The following NRG2 variants were observed in gnomAD, a reference collection of about 807,000 sequenced individuals.
The protein encoded by NRG2 is neuregulin 2, also known as pro-neuregulin-2, membrane-bound isoform.
A neutral mutation model predicts 73.9 loss-of-function variants in NRG2; 27 were observed. The observed-to-expected ratio is 0.37, with a 90% CI of 0.27 to 0.50. NRG2 has a LOEUF of 0.50. Ranked by LOEUF, NRG2 falls within the 20% of genes least tolerant of loss-of-function variation. The pLI, the probability that NRG2 is intolerant of heterozygous loss-of-function variation, is 0.96. For synonymous variants in NRG2, 532 were observed against 541.0 expected (o/e 0.98, Z 0.23); for missense variants, 1,126 against 1,210.1 (o/e 0.93, Z 1.03).
At position 139,852,130 on chromosome 5, in the gene NRG2, G is replaced by A. The variant is rs1002113994; in HGVS notation, c.1545-299C>T. Among the ~76,000 whole-genome samples, 2 of 152,270 alleles carry A rather than the reference G, an allele frequency of 1.3e-5. No individual in the cohort carries two copies. Among genetic ancestry groups the A allele is most frequent in the South Asian group, 2.1e-4 (1 of 4,822 alleles). On this transcript the variant is annotated intron_variant, in intron 8 of 9. Coordinates refer to ENST00000361474, the MANE Select transcript of NRG2 (RefSeq NM_004883.3). The surrounding 1 kb of genome is among the most constrained non-coding windows in gnomAD (Gnocchi z 4.4). ...CCCTGTCTGGGACCTTTCCACCACC[G>A]TGGTCCTTAGCTACCTATCTCAGAA...
Position 139,848,358 on chromosome 5 carries a change from G to GGGGCTGGCAGGC in NRG2, c.2100_2111dup (p.Pro701_Pro704dup), listed in dbSNP as rs1554098294. On this transcript the variant is annotated inframe_insertion, in exon 10 of 10. Transcript: ENST00000361474. ...ACTCGTCGTCCTCGGGGATGCGGAA[G>GGGGCTGGCAGGC]GGGCTGGCAGGCAGGCTGCCCAGGC... 3.3e-6 allele frequency: 4 copies of GGGGCTGGCAGGC among 1,226,018 alleles called. No individual in the cohort carries two copies. The East Asian group carries it at 1.3e-4, about 41-fold the overall frequency. The allele number at this position is 1,226,018 out of a possible 1,614,324, so 75.9% of individuals were successfully genotyped here. A position where few individuals can be genotyped will look rare whatever the true frequency, so the allele number is the denominator to read the frequency against.
intron 1 of NRG2, among the ~76,000 whole-genome samples, chr5:139,902,200 G>A (rs556035828): frequency 7.2e-5 from 11 of 152,354 alleles, no homozygotes; most frequent in Non-Finnish European, 1.6e-4. Context: ...GGGGAGAAGG[G>A]GAAATGGGGG....
At chr5:139,996,929 C>G (rs562753066) in intron 1 of NRG2, among the ~76,000 whole-genome samples, 5 of 152,216 alleles carry the variant, frequency 3.3e-5, no homozygotes, top group Non-Finnish European at 5.9e-5. Context: ...TTGCTTGAGT[C>G]CAGGAGTTCA....
chr5:140,016,093 C>T (rs1759753631), intron 1 of NRG2, among the ~76,000 whole-genome samples: 3 of 152,308 alleles, frequency 2.0e-5, no homozygotes, highest in South Asian at 2.1e-4. Flanking sequence ...CTACTTGCCA[C>T]GTCCTCAAGT....
At position 139,870,620 on chromosome 5, in the gene NRG2, C is replaced by T. The variant is rs1762777870; in HGVS notation, c.1112+1101G>A. Among the ~76,000 whole-genome samples the T allele has an allele frequency of 6.6e-6, 1 of 152,136 alleles. No homozygotes were observed. The highest frequency in any genetic ancestry group is 1.9e-4 in the East Asian group (1 of 5,186). On this transcript the variant is annotated intron_variant, in intron 4 of 9. Coordinates refer to ENST00000361474, the MANE Select transcript of NRG2 (RefSeq NM_004883.3). This position sits in a 1 kb window ranked among gnomAD's most constrained non-coding sequence, Gnocchi z 4.4. ...TGAATCCCCATCAATGTTTTGGTGG[C>T]CTTTGCCCAGATGCCATGGGAATGG...
intron 1 of NRG2, among the ~76,000 whole-genome samples, chr5:140,022,748 TAA>T (rs1481637052): frequency 6.6e-6 from 1 of 152,250 alleles, no homozygotes; most frequent in Non-Finnish European, 1.5e-5. Context: ...TCAACATTTA[TAA>T]AGTGTTTAGA....
chr5:139,888,556 C>T (rs899020147), intron 1 of NRG2, among the ~76,000 whole-genome samples: 7 of 152,132 alleles, frequency 4.6e-5, no homozygotes, highest in Non-Finnish European at 1.0e-4. Flanking sequence ...GGCCATTGGT[C>T]CTTTCCCTAG....
At chr5:140,033,255 A>G (rs375417180) in intron 1 of NRG2, among the ~76,000 whole-genome samples, 20 of 152,182 alleles carry the variant, frequency 1.3e-4, no homozygotes, top group African/African-American at 4.8e-4. Context: ...ACCCTATCTG[A>G]AAATAAGGAA....
intron 1 of NRG2, among the ~76,000 whole-genome samples, chr5:140,040,914 C>T (rs1024574943): frequency 1.3e-5 from 2 of 152,154 alleles, no homozygotes; most frequent in African/African-American, 4.8e-5. Context: ...CTGCTGTTAT[C>T]CCCCAAAGTT....
chr5:139,898,460 G>A (rs961051358), intron 1 of NRG2, among the ~76,000 whole-genome samples: 1 of 152,202 alleles, frequency 6.6e-6, no homozygotes, highest in Non-Finnish European at 1.5e-5. Flanking sequence ...AGTGAAGGGA[G>A]TGAACTATGA....
chr5:139,874,431 A>C (rs1225748887), intron 3 of NRG2, among the ~76,000 whole-genome samples: 1 of 152,166 alleles, frequency 6.6e-6, no homozygotes, highest in Non-Finnish European at 1.5e-5. Flanking sequence ...AAAGTCCTAG[A>C]GGGCATCTTT....
chr5:139,982,365 C>G (rs947422645), intron 1 of NRG2, among the ~76,000 whole-genome samples: 4 of 152,122 alleles, frequency 2.6e-5, no homozygotes, highest in African/African-American at 9.7e-5. Flanking sequence ...TCCCTGCCCT[C>G]TTTACGGTGG....
At chr5:139,946,757 G>A (rs557817302) in intron 1 of NRG2, among the ~76,000 whole-genome samples, 3 of 152,208 alleles carry the variant, frequency 2.0e-5, no homozygotes, top group African/African-American at 7.2e-5. Context: ...TATACAGAAT[G>A]CTTACAACTC....
At chr5:139,921,667 T>C (rs535227351) in intron 1 of NRG2, among the ~76,000 whole-genome samples, 2 of 152,090 alleles carry the variant, frequency 1.3e-5, no homozygotes, top group African/African-American at 2.4e-5. Flanking sequence ...GAAGATGACA[T>C]AGGAGAAAAT....
At chr5:139,929,294 A>C (rs1752286472) in intron 1 of NRG2, among the ~76,000 whole-genome samples, 1 of 152,134 alleles carries the variant, frequency 6.6e-6, no homozygotes. Flanking sequence ...TGCTATTTCT[A>C]AACCTACCCA....
intron 1 of NRG2, among the ~76,000 whole-genome samples, chr5:140,022,829 TC>T (rs1760347592): frequency 6.6e-6 from 1 of 152,246 alleles, no homozygotes; most frequent in African/African-American, 2.4e-5. Context: ...GACAAATGCA[TC>T]ATTTTCCTTC....
intron 1 of NRG2, among the ~76,000 whole-genome samples, chr5:140,005,636 G>A (rs188517371): frequency 2.6e-5 from 4 of 152,304 alleles, no homozygotes; most frequent in East Asian, 3.9e-4. Context: ...CTGCAGGGCC[G>A]TCAAAATCAT....
In NRG2 at chr5:139,904,642, C is replaced by A. The variant is rs1251173078; in HGVS notation, c.701-17131G>T. Among the ~76,000 whole-genome samples the A allele has an allele frequency of 1.3e-5, 2 of 152,132 alleles. No individual in the cohort carries two copies. Among genetic ancestry groups the A allele is most frequent in the African/African-American group, 4.8e-5 (2 of 41,444 alleles). On this transcript the variant is annotated intron_variant, in intron 1 of 9. Coordinates refer to ENST00000361474, the MANE Select transcript of NRG2 (RefSeq NM_004883.3). This position sits in a 1 kb window ranked among gnomAD's most constrained non-coding sequence, Gnocchi z 6.0. ...CTGGGCCCTAGGCCCCCTCCCTGGG[C>A]CCACCGAGGTAGGCAAGACCGGCGC...
At chr5:139,918,615 T>G (rs898083587) in intron 1 of NRG2, among the ~76,000 whole-genome samples, 3 of 152,092 alleles carry the variant, frequency 2.0e-5, no homozygotes, top group African/African-American at 4.8e-5. Flanking sequence ...CATCAGTCAC[T>G]AGAACACTGA....
Sources: gnomAD v4.1 joint callset for allele counts (sites outside exome capture counted in the v4.1 genomes callset) on GRCh38, gnomAD v4.1.1 for gene constraint, Gnocchi (gnomAD v3.1) non-coding constraint, MANE v1.5 for transcripts, NCBI Gene and HGNC (gene_info 2026-07-23, HGNC 2026-07-21) for gene names.